The following MLLT3 variants were observed in gnomAD, a reference collection of about 807,000 sequenced individuals.
MLLT3 encodes MLLT3 super elongation complex subunit.
A neutral mutation model predicts 53.2 loss-of-function variants in MLLT3; 4 were observed. The ratio of observed to expected loss-of-function variants is 0.08; its 90% CI spans 0.04 to 0.17. The LOEUF is 0.17. MLLT3 is among the 10% of genes least tolerant of loss of function. The pLI is 1.00. For synonymous variants in MLLT3, 283 were observed against 230.6 expected (o/e 1.23, Z -2.06); for missense variants, 569 against 684.0 (o/e 0.83, Z 1.87).
chr9:20,421,824 C>T (rs142313279), intron 4 of MLLT3, among the ~76,000 whole-genome samples: 1 of 152,086 alleles, frequency 6.6e-6, no homozygotes, highest in Non-Finnish European at 1.5e-5. Context: ...AAAGAATCAA[C>T]CCATCAATTG....
intron 2 of MLLT3, among the ~76,000 whole-genome samples, chr9:20,586,217 A>G (rs1819956168): frequency 1.3e-5 from 2 of 152,004 alleles, no homozygotes; most frequent in Admixed American, 1.3e-4. Flanking sequence ...CTACTCTGGT[A>G]GCTGATGTGG....
At position 20,388,380 on chromosome 9, in the gene MLLT3, A is replaced by G. The variant is rs548597479; in HGVS notation, c.1126-22636T>C. 1.2e-3 allele frequency among the ~76,000 whole-genome samples: 184 copies of G among 152,106 alleles called. 2 individuals are homozygous for G. Among genetic ancestry groups the G allele is most frequent in the Non-Finnish European group, 1.3e-3 (86 of 67,974 alleles). ...GAGGCGTGCAGATCACGAGGTCAGG[A>G]GATCAAGACCACCCTGGCTAACATG... On this transcript the variant is annotated intron_variant, in intron 5 of 10. Transcript: ENST00000380338.
chr9:20,536,589 G>C (rs1282355591), intron 2 of MLLT3, among the ~76,000 whole-genome samples: 1 of 152,118 alleles, frequency 6.6e-6, no homozygotes, highest in Non-Finnish European at 1.5e-5. Flanking sequence ...AGTTAGCTTA[G>C]AAGAAAAAGT....
At chr9:20,396,014 C>G (rs1420126105) in intron 5 of MLLT3, among the ~76,000 whole-genome samples, 1 of 152,166 alleles carries the variant, frequency 6.6e-6, no homozygotes, top group Non-Finnish European at 1.5e-5. Flanking sequence ...TTTAAATTCC[C>G]AGTTCTATTC....
At chr9:20,540,643 T>C (rs1587046026) in intron 2 of MLLT3, among the ~76,000 whole-genome samples, 1 of 152,136 alleles carries the variant, frequency 6.6e-6, no homozygotes, top group South Asian at 2.1e-4. Context: ...AGCAGCAGGG[T>C]CCTGGGCCTG....
intron 2 of MLLT3, among the ~76,000 whole-genome samples, chr9:20,578,866 T>C (rs1174927579): frequency 2.0e-5 from 3 of 152,156 alleles, no homozygotes; most frequent in Non-Finnish European, 4.4e-5. Context: ...TTTATAGATA[T>C]GTTAAGTGAT....
Position 20,363,615 on chromosome 9 carries a change from G to T in MLLT3, c.1202-10C>A, listed in dbSNP as rs943630414. 4 of 1,612,234 alleles carry T rather than the reference G, an allele frequency of 2.5e-6. No individual in the cohort carries two copies. In the African/African-American group the frequency reaches 5.3e-5, roughly 22 times the overall value. ...ATAGACCTCAAAGGACCTGAGTAATGACAATGAACCACAGGCAATCAAACA... is the reference window on the plus strand; with the variant it reads ...ATAGACCTCAAAGGACCTGAGTAATTACAATGAACCACAGGCAATCAAACA... On this transcript the variant is annotated splice_polypyrimidine_tract_variant and intron_variant, in intron 6 of 10. Coordinates refer to ENST00000380338, the MANE Select transcript of MLLT3 (RefSeq NM_004529.4).
At chr9:20,580,263 C>T (rs1235243845) in intron 2 of MLLT3, among the ~76,000 whole-genome samples, 1 of 152,140 alleles carries the variant, frequency 6.6e-6, no homozygotes, top group Non-Finnish European at 1.5e-5. Flanking sequence ...TAAATCCCTT[C>T]TCTCCATTTA....
chr9:20,363,580 A>T lies in MLLT3; in HGVS notation c.1227T>A (p.Asp409Glu). 1 of 1,613,954 alleles carries T rather than the reference A, an allele frequency of 6.2e-7. No individual in the cohort carries two copies. ...CCTCCTCATTGTCATCAGAATGCAGATCTTTCATTATAGACCTCAAAGGAC... is the reference window on the plus strand; with the variant it reads ...CCTCCTCATTGTCATCAGAATGCAGTTCTTTCATTATAGACCTCAAAGGAC... ...QQGPLRSIMK[D>E]LHSDDNEEES... is the part of the protein sequence containing the mutation. Residue 409 changes from aspartate (D) to glutamate (E), a missense_variant, in exon 7 of 11, where the codon GAT becomes GAA. Physicochemically the swap from Asp to Glu is conservative, Grantham distance 45. Around this residue, in one of 5 missense-constraint regions of MLLT3, gnomAD observed 437 missense variants for 376.5 expected, o/e 1.16. Coordinates refer to ENST00000380338, the MANE Select transcript of MLLT3 (RefSeq NM_004529.4).
intron 2 of MLLT3, among the ~76,000 whole-genome samples, chr9:20,483,615 T>G (rs1037868067): frequency 6.6e-6 from 1 of 151,230 alleles, no homozygotes; most frequent in Non-Finnish European, 1.5e-5. Context: ...GTTAATACCA[T>G]ATTTTAAGTG....
At chr9:20,498,655 C>G (rs1460683997) in intron 2 of MLLT3, among the ~76,000 whole-genome samples, 2 of 152,092 alleles carry the variant, frequency 1.3e-5, no homozygotes, top group African/African-American at 4.8e-5. Flanking sequence ...TTTTTTTTAG[C>G]TCATCAGCTA....
chr9:20,495,366 C>T (rs1026248880), intron 2 of MLLT3, among the ~76,000 whole-genome samples: 3 of 152,186 alleles, frequency 2.0e-5, no homozygotes, highest in Non-Finnish European at 4.4e-5. Context: ...CCCAGGTTAT[C>T]AGTCTGCACA....
chr9:20,497,935 C>T (rs1416711016), intron 2 of MLLT3, among the ~76,000 whole-genome samples: 1 of 151,984 alleles, frequency 6.6e-6, no homozygotes, highest in Non-Finnish European at 1.5e-5. Flanking sequence ...GGTAAAAGAA[C>T]TCTTCTATGG....
intron 2 of MLLT3, among the ~76,000 whole-genome samples, chr9:20,497,081 G>A (rs1825096243): frequency 1.3e-5 from 2 of 152,136 alleles, no homozygotes; most frequent in Non-Finnish European, 2.9e-5. Context: ...TTCTCAAAAC[G>A]GTTTACTTGT....
chr9:20,531,211 C>T (rs1188319518), intron 2 of MLLT3, among the ~76,000 whole-genome samples: 1 of 150,246 alleles, frequency 6.7e-6, no homozygotes, highest in Non-Finnish European at 1.5e-5. Context: ...TCTCGGCTCA[C>T]TGCAACCTCT....
intron 2 of MLLT3, among the ~76,000 whole-genome samples, chr9:20,521,349 G>C (rs1254226880): frequency 6.6e-6 from 1 of 152,114 alleles, no homozygotes; most frequent in Non-Finnish European, 1.5e-5. Context: ...GGGATTACAG[G>C]CATGAGCCAC....
chr9:20,614,603 GT>G (rs1489293654), intron 2 of MLLT3, among the ~76,000 whole-genome samples: 1 of 151,566 alleles, frequency 6.6e-6, no homozygotes, highest in East Asian at 1.9e-4. Flanking sequence ...CTCGTCCATG[GT>G]TTGACTTTTC....
rs779257054 is a variant in MLLT3, at chr9:20,344,328, T to C, written c.*2115A>G. On this transcript the variant is annotated 3_prime_UTR_variant, in exon 11 of 11. Transcript: ENST00000380338. ...TTTCTAGTTAAACTACACAGATATA[T>C]TAAATCACATAAACTTCTGGCTTGA... 1.5e-5 allele frequency: 3 copies of C among 200,960 alleles called. No individual in the cohort carries two copies. Among genetic ancestry groups the C allele is most frequent in the Non-Finnish European group, 3.1e-5 (3 of 97,578 alleles). 12.4% of individuals were successfully genotyped at this position (200,960 alleles called of 1,614,324 possible).
chr9:20,488,855 C>G (rs1234345540), intron 2 of MLLT3, among the ~76,000 whole-genome samples: 1 of 152,160 alleles, frequency 6.6e-6, no homozygotes. Flanking sequence ...CAGATTTAGA[C>G]AGAAAGGCAT....
Sources: gnomAD v4.1 joint callset for allele counts (sites outside exome capture counted in the v4.1 genomes callset) on GRCh38, gnomAD v4.1.1 for gene constraint, gnomAD v4.1.1 regional missense constraint, MANE v1.5 for transcripts, NCBI Gene and HGNC (gene_info 2026-07-23, HGNC 2026-07-21) for gene names.